The following DNAH14 variants were observed in gnomAD, a reference collection of about 807,000 sequenced individuals.
DNAH14 encodes the protein axonemal beta dynein heavy chain 14.
DNAH14 carries 478 observed loss-of-function variants against 520.9 expected under a neutral mutation model. The ratio of observed to expected loss-of-function variants is 0.92; its 90% CI spans 0.85 to 0.99. The LOEUF is 0.99. DNAH14 is among the 50% of genes least tolerant of loss of function. The pLI, the probability that DNAH14 is intolerant of heterozygous loss-of-function variation, is 0.00. For synonymous variants in DNAH14, 1,581 were observed against 1,757.2 expected (o/e 0.90, Z 2.51); for missense variants, 4,831 against 5,234.5 (o/e 0.92, Z 2.38).
chr1:225,131,600 C>A (rs1220200426), intron 27 of DNAH14, among the ~76,000 whole-genome samples: 1 of 152,156 alleles, frequency 6.6e-6, no homozygotes, highest in Non-Finnish European at 1.5e-5. Flanking sequence ...TTTCTTAATT[C>A]AATTCCATCT....
chr1:225,374,270 A>T (rs12023146), intron 77 of DNAH14, among the ~76,000 whole-genome samples: 25,877 of 62,854 alleles, frequency 0.41, 3,681 homozygotes, highest in East Asian at 0.66. Context: ...ATATATATAT[A>T]TTTTTTTTTG....
At position 225,308,392 on chromosome 1, in the gene DNAH14, T is replaced by C; in HGVS notation, c.9222T>C (p.Ile3074=). The change falls in exon 60 of 86, where the codon ATT becomes ATC. Residue 3074 remains isoleucine, a synonymous_variant. Transcript: ENST00000682510. The part of the protein sequence containing the change: ...DEEIVAEEVR[I]VEDYAQKTAN... ...AAATTGTGGCAGAAGAAGTAAGAAT[T>C]GTGGAAGATTATGCTCAGGTAAAAT... 1 of 1,532,812 alleles carries C rather than the reference T, an allele frequency of 6.5e-7. No individual in the cohort carries two copies. The highest frequency in any genetic ancestry group is 8.8e-7 in the Non-Finnish European group (1 of 1,142,140). The allele number at this position is 1,532,812 out of a possible 1,614,324, so 95.0% of individuals were successfully genotyped here.
chr1:225,394,859 A>C (rs1236777462), intron 84 of DNAH14, among the ~76,000 whole-genome samples: 2 of 149,292 alleles, frequency 1.3e-5, no homozygotes, highest in Non-Finnish European at 3.0e-5. Flanking sequence ...AAAAAAAAAA[A>C]GGAGAATTGA....
At chr1:225,132,943 G>A (rs2078578882) in intron 27 of DNAH14, among the ~76,000 whole-genome samples, 1 of 152,082 alleles carries the variant, frequency 6.6e-6, no homozygotes, top group Non-Finnish European at 1.5e-5. Flanking sequence ...GTATCTCATT[G>A]TAGTTTTGAT....
At position 225,232,276 on chromosome 1, in the gene DNAH14, T is replaced by C. The variant is rs573235236; in HGVS notation, c.6518+1125T>C. Among the ~76,000 whole-genome samples, 7,266 of 135,580 alleles carry C rather than the reference T, an allele frequency of 0.054. 271 individuals carry two copies. Among genetic ancestry groups the C allele is most frequent in the Non-Finnish European group, 0.076 (4,882 of 64,164 alleles). The allele number at this position is 135,580 out of a possible 152,430, so 88.9% of individuals were successfully genotyped here. ...TTATATATATAAACTGTGATATATATATATACACACACACACACACACACG... is the reference window on the plus strand; with the variant it reads ...TTATATATATAAACTGTGATATATACATATACACACACACACACACACACG... On this transcript the variant is annotated intron_variant, in intron 42 of 85. Transcript: ENST00000682510. The surrounding 1 kb of genome is among the most constrained non-coding windows in gnomAD (Gnocchi z 4.2).
In DNAH14 at chr1:225,364,760, A is replaced by C. The variant is rs762326990; in HGVS notation, c.11988-32A>C. 27 of 1,446,794 alleles carry C rather than the reference A, an allele frequency of 1.9e-5. 1 individual carries two copies. The South Asian group carries it at 3.4e-4, about 18-fold the overall frequency. 89.6% of individuals were successfully genotyped at this position (1,446,794 alleles called of 1,614,324 possible). ...AAACATGTTGGTTTACATTTTTCAC[A>C]TTAAAATATTTATAAATTTTTTATT... is the stretch of plus-strand genomic sequence containing the variant. On this transcript the variant is annotated intron_variant, in intron 75 of 85. Transcript: ENST00000682510.
chr1:225,024,599 A>G (rs2065954536), intron 11 of DNAH14: 1 of 152,160 alleles, frequency 6.6e-6, no homozygotes. Context: ...ATATCAATTC[A>G]AAAAATTTTG....
intron 7 of DNAH14, among the ~76,000 whole-genome samples, chr1:224,972,108 A>T (rs1307057442): frequency 6.6e-6 from 1 of 152,128 alleles, no homozygotes; most frequent in Non-Finnish European, 1.5e-5. Context: ...TTTTAAGTTC[A>T]ACTGCAGATG....
In DNAH14 at chr1:225,100,761, GA is replaced by G; in HGVS notation, c.3751del (p.Ile1251Ter). On this transcript the variant is annotated frameshift_variant, in exon 23 of 86. Coordinates refer to ENST00000682510, the MANE Select transcript of DNAH14 (RefSeq NM_001367479.1). LOFTEE classifies it high-confidence loss of function. ...TTTTCTCTCAAGTGATTTCCATGTG[GA>G]AAAAAATAATGTCAAAAATACAAAA... is the stretch of plus-strand genomic sequence containing the variant. ...ELFSQVISMW[K>X]KIMSKIQNKQ... is the part of the protein sequence containing the mutation. The G allele has an allele frequency of 2.6e-6, 4 of 1,535,438 alleles. No individual in the cohort carries two copies. Among genetic ancestry groups the G allele is most frequent in the Admixed American group, 4.3e-5 (2 of 46,874 alleles).
At chr1:225,160,684 C>G (rs905825388) in intron 35 of DNAH14, among the ~76,000 whole-genome samples, 1 of 152,152 alleles carries the variant, frequency 6.6e-6, no homozygotes, top group Non-Finnish European at 1.5e-5. Flanking sequence ...CAACAAACCA[C>G]TATCTTAAGA....
At chr1:225,096,459 G>T (rs954477713) in intron 21 of DNAH14, among the ~76,000 whole-genome samples, 8 of 152,106 alleles carry the variant, frequency 5.3e-5, no homozygotes, top group Non-Finnish European at 1.2e-4. Context: ...GGATGGACAA[G>T]TCCACTGGTT....
At position 225,303,257 on chromosome 1, in the gene DNAH14, G is replaced by T. The variant is rs571160178; in HGVS notation, c.8733G>T (p.Thr2911=). 4 of 1,551,504 alleles carry T rather than the reference G, an allele frequency of 2.6e-6. No individual in the cohort carries two copies. Among genetic ancestry groups the T allele is most frequent in the African/African-American group, 1.4e-5 (1 of 73,126 alleles). The change falls in exon 57 of 86, where the codon ACG becomes ACT. Residue 2911 remains threonine (T), a synonymous_variant. Transcript: ENST00000682510. The part of the protein sequence containing the change: ...RVYPSMISSC[T]IDWYERWPEE... ...ATCCTTCTATGATTAGCTCCTGCAC[G>T]ATCGATTGGTATGAGAGGTGGCCAG...
At chr1:225,288,518 C>T (rs1035136855) in intron 54 of DNAH14, among the ~76,000 whole-genome samples, 2 of 152,012 alleles carry the variant, frequency 1.3e-5, no homozygotes, top group African/African-American at 4.8e-5. Context: ...TTAATGGTAA[C>T]AAATGTAATA....
At chr1:225,236,441 AT>A (rs1462534572) in intron 42 of DNAH14, among the ~76,000 whole-genome samples, 1 of 152,130 alleles carries the variant, frequency 6.6e-6, no homozygotes, top group Non-Finnish European at 1.5e-5. Flanking sequence ...TTTACTTCTG[AT>A]TATGTGATCA....
Position 225,259,146 on chromosome 1 carries a change from T to C in DNAH14, c.7050T>C (p.Ala2350=). Residue 2350 remains alanine (A), a synonymous_variant, in exon 46 of 86, where the codon GCT becomes GCC. Coordinates refer to ENST00000682510, the MANE Select transcript of DNAH14 (RefSeq NM_001367479.1). ...LTGESGVGKT[A]AINQMLEKLE... ...GAGAATCTGGTGTTGGGAAAACTGC[T>C]GCCATTAATCAAATGCTTGAAAAGC... 2 of 1,543,014 alleles carry C rather than the reference T, an allele frequency of 1.3e-6. No individual in the cohort carries two copies. Among genetic ancestry groups the C allele is most frequent in the East Asian group, 4.9e-5 (2 of 40,558 alleles).
chr1:224,959,341 GA>G (rs2060705215), intron 3 of DNAH14, among the ~76,000 whole-genome samples: 1 of 152,088 alleles, frequency 6.6e-6, no homozygotes, highest in Admixed American at 6.6e-5. Flanking sequence ...TGGAACAGGA[GA>G]GGTCTGTGGT....
chr1:225,351,977 G>GA, intron 72 of DNAH14, 94 bp downstream of exon 72: 1 of 997,110 alleles, frequency 1.0e-6, no homozygotes, highest in South Asian at 1.8e-5. Flanking sequence ...CTTACATTAT[G>GA]AAAAAATTGA....
Position 225,082,750 on chromosome 1 carries a change from A to T in DNAH14, c.3327+11A>T. Reference sequence around the variant, plus strand: ...CTTCTAGCTCTCAAGGTAAATAAAAATGGTTTTTTAAAAAAATAGGTTGAA... The same window carrying T: ...CTTCTAGCTCTCAAGGTAAATAAAATTGGTTTTTTAAAAAAATAGGTTGAA... On this transcript the variant is annotated intron_variant, in intron 20 of 85. Transcript: ENST00000682510. 6.5e-7 allele frequency: 1 copy of T among 1,533,010 alleles called. No individual in the cohort carries two copies. Among genetic ancestry groups the T allele is most frequent in the Non-Finnish European group, 8.8e-7 (1 of 1,142,460 alleles). 95.0% of individuals were successfully genotyped at this position (1,533,010 alleles called of 1,614,324 possible). A position where few individuals can be genotyped will look rare whatever the true frequency, so the allele number is the denominator to read the frequency against.
At chr1:224,938,486 T>C (rs1328677093) in intron 1 of DNAH14, among the ~76,000 whole-genome samples, 1 of 152,114 alleles carries the variant, frequency 6.6e-6, no homozygotes, top group African/African-American at 2.4e-5. Context: ...AAAACCATAG[T>C]GCAACATCAT....
Sources: allele counts gnomAD v4.1 joint callset (sites outside exome capture counted in the v4.1 genomes callset), GRCh38; gene constraint gnomAD v4.1.1; non-coding constraint Gnocchi (gnomAD v3.1); transcripts MANE v1.5; gene names NCBI Gene and HGNC (gene_info 2026-07-23, HGNC 2026-07-21).